The following DEPTOR variants were observed in gnomAD, a reference collection of about 807,000 sequenced individuals.
DEPTOR encodes the protein DEP domain-containing mTOR-interacting protein.
In DEPTOR, 41 loss-of-function variants were observed where a neutral mutation model predicts 41.6. That is an observed-to-expected ratio of 0.98 (90% confidence interval 0.77 to 1.28). The LOEUF is 1.28. Among genes scored for constraint, DEPTOR ranks in the 50% most tolerant of loss-of-function variants. The pLI, the probability that DEPTOR is intolerant of heterozygous loss-of-function variation, is 0.00. For missense variants in DEPTOR, 514 were observed against 527.9 expected (o/e 0.97, Z 0.26); for synonymous variants, 195 against 192.3 (o/e 1.01, Z -0.12).
At chr8:119,919,403 C>T (rs1827862724) in intron 1 of DEPTOR, among the ~76,000 whole-genome samples, 1 of 152,098 alleles carries the variant, frequency 6.6e-6, no homozygotes, top group Non-Finnish European at 1.5e-5. Context: ...GTCTCTTCAT[C>T]TGAACCGAGA....
chr8:120,043,238 C>G (rs1477566374), intron 8 of DEPTOR, among the ~76,000 whole-genome samples: 4 of 152,138 alleles, frequency 2.6e-5, no homozygotes, highest in Non-Finnish European at 4.4e-5. Context: ...CTCAGCCTTT[C>G]AAAGTGCTGG....
chr8:119,882,397 T>G (rs1353877279), intron 1 of DEPTOR, among the ~76,000 whole-genome samples: 2 of 151,900 alleles, frequency 1.3e-5, no homozygotes, highest in African/African-American at 4.8e-5. Flanking sequence ...TTTTTATTAT[T>G]TATTTTTATT....
At chr8:119,900,046 C>T (rs559377731) in intron 1 of DEPTOR, among the ~76,000 whole-genome samples, 7 of 152,050 alleles carry the variant, frequency 4.6e-5, no homozygotes, top group East Asian at 1.9e-4. Context: ...GTCGGCTGGG[C>T]GCAGTGGCTC....
intron 1 of DEPTOR, among the ~76,000 whole-genome samples, chr8:119,897,561 A>G (rs900539413): frequency 5.9e-5 from 9 of 152,156 alleles, no homozygotes; most frequent in African/African-American, 2.2e-4. Flanking sequence ...ATTATTTGGT[A>G]TATTGTAGTA....
chr8:120,036,221 A>C (rs1018101934), intron 8 of DEPTOR, among the ~76,000 whole-genome samples: 2 of 152,244 alleles, frequency 1.3e-5, no homozygotes, highest in African/African-American at 4.8e-5. Context: ...GTATGAGACC[A>C]GCAGGCATTA....
chr8:120,005,866 C>T (rs547919124), intron 6 of DEPTOR, among the ~76,000 whole-genome samples: 3 of 152,226 alleles, frequency 2.0e-5, no homozygotes, highest in Admixed American at 6.5e-5. Flanking sequence ...CTCAGGAGGA[C>T]AGCATGCCAC....
At chr8:120,041,457 A>T (rs933580128) in intron 8 of DEPTOR, among the ~76,000 whole-genome samples, 2 of 152,224 alleles carry the variant, frequency 1.3e-5, no homozygotes, top group East Asian at 3.9e-4. Context: ...TATTTATCCC[A>T]GCCTGATCAC....
intron 4 of DEPTOR, among the ~76,000 whole-genome samples, chr8:119,991,100 C>CTTTCTT (rs1812165590): frequency 2.6e-5 from 2 of 78,338 alleles, no homozygotes; most frequent in East Asian, 2.7e-4. Flanking sequence ...TTCTTTCTTT[C>CTTTCTT]TTTCTTTCTT....
In DEPTOR at chr8:119,995,120, G is replaced by A. The variant is rs10089951; in HGVS notation, c.605-6405G>A. 2.6e-3 allele frequency among the ~76,000 whole-genome samples: 389 copies of A among 152,186 alleles called. 2 individuals carry two copies. Among genetic ancestry groups the A allele is most frequent in the Non-Finnish European group, 4.5e-3 (304 of 68,010 alleles). Reference sequence around the variant, plus strand: ...ATGAAGAAGGCTTACAACACTCTATGTCAGATGCCATGCCATATCTCTTAC... The same window carrying A: ...ATGAAGAAGGCTTACAACACTCTATATCAGATGCCATGCCATATCTCTTAC... On this transcript the variant is annotated intron_variant, in intron 4 of 8. Transcript: ENST00000286234.
intron 8 of DEPTOR, among the ~76,000 whole-genome samples, chr8:120,048,565 T>C (rs1375646097): frequency 2.0e-5 from 3 of 152,156 alleles, no homozygotes; most frequent in African/African-American, 7.2e-5. Context: ...GAAAACACCC[T>C]AGTAGGTTGG....
At chr8:119,992,226 A>G (rs1243341795) in intron 4 of DEPTOR, among the ~76,000 whole-genome samples, 1 of 152,224 alleles carries the variant, frequency 6.6e-6, no homozygotes, top group African/African-American at 2.4e-5. Context: ...GATCCTTCAC[A>G]GAAGCCCCAG....
chr8:120,008,785 C>G (rs113626668), intron 7 of DEPTOR, among the ~76,000 whole-genome samples: 1 of 152,114 alleles, frequency 6.6e-6, no homozygotes, highest in Non-Finnish European at 1.5e-5. Context: ...TTTATTGAAT[C>G]ATGCCCTCAT....
intron 1 of DEPTOR, among the ~76,000 whole-genome samples, chr8:119,882,224 A>G (rs372919926): frequency 6.6e-6 from 1 of 152,236 alleles, no homozygotes; most frequent in South Asian, 2.1e-4. Context: ...CATTGCTGAT[A>G]TAAGTTATGG....
chr8:119,976,830 A>G (rs1230978987), intron 4 of DEPTOR, among the ~76,000 whole-genome samples: 1 of 152,168 alleles, frequency 6.6e-6, no homozygotes. Context: ...AAGTGGGAGA[A>G]TGGGGGTAGT....
intron 8 of DEPTOR, among the ~76,000 whole-genome samples, chr8:120,041,547 T>A (rs546233477): frequency 2.4e-4 from 36 of 152,194 alleles, no homozygotes; most frequent in African/African-American, 1.7e-4. Flanking sequence ...AACTTTTTTT[T>A]AAATTCTTCA....
intron 1 of DEPTOR, among the ~76,000 whole-genome samples, chr8:119,880,923 C>A (rs1413773335): frequency 6.6e-6 from 1 of 152,176 alleles, no homozygotes; most frequent in Non-Finnish European, 1.5e-5. Flanking sequence ...CATTTAATTT[C>A]ATTAATTCAT....
At chr8:119,944,554 C>T (rs1586626489) in intron 3 of DEPTOR, among the ~76,000 whole-genome samples, 1 of 152,078 alleles carries the variant, frequency 6.6e-6, no homozygotes, top group African/African-American at 2.4e-5. Context: ...GGTCATGTAC[C>T]TTGAGGCCTC....
At chr8:119,978,371 T>G (rs1404519992) in intron 4 of DEPTOR, among the ~76,000 whole-genome samples, 1 of 152,156 alleles carries the variant, frequency 6.6e-6, no homozygotes, top group East Asian at 1.9e-4. Context: ...CATATCAGGT[T>G]TCTCAGTCTC....
intron 4 of DEPTOR, among the ~76,000 whole-genome samples, chr8:119,992,574 T>C (rs911103509): frequency 6.6e-6 from 1 of 152,094 alleles, no homozygotes; most frequent in African/African-American, 2.4e-5. Flanking sequence ...ATGCCTGTTG[T>C]GTTATATCAT....
Sources: gnomAD v4.1 joint callset for allele counts (sites outside exome capture counted in the v4.1 genomes callset) on GRCh38, gnomAD v4.1.1 for gene constraint, MANE v1.5 for transcripts, NCBI Gene and HGNC (gene_info 2026-07-23, HGNC 2026-07-21) for gene names.